PNKD: variants seen among roughly 807,000 people sequenced by gnomAD.
The protein encoded by PNKD is probable thioesterase PNKD.
In PNKD, 36 loss-of-function variants were observed where a neutral mutation model predicts 45.3. The observed-to-expected ratio is 0.80, with a 90% CI of 0.61 to 1.05. The LOEUF (loss-of-function observed/expected upper bound fraction) is 1.05, where lower values mean the gene tolerates loss of function less well. PNKD is among the 50% of genes least tolerant of loss of function. PNKD has a pLI of 0.00. For missense variants in PNKD, 511 were observed against 506.6 expected (o/e 1.01, Z -0.08); for synonymous variants, 197 against 210.1 (o/e 0.94, Z 0.54).
At chr2:218,321,934 CTTTTTTTTT>C (rs35226712) in intron 2 of PNKD, among the ~76,000 whole-genome samples, 1 of 120,510 alleles carries the variant, frequency 8.3e-6, no homozygotes, top group Admixed American at 8.8e-5. Flanking sequence ...GAGCTTGACT[CTTTTTTTTT>C]TTTTTTTTTG....
chr2:218,278,033 C>G (rs1243002729), intron 2 of PNKD: 3 of 1,595,716 alleles, frequency 1.9e-6, no homozygotes, highest in Non-Finnish European at 2.6e-6. Context: ...GTCAGAGGCT[C>G]CTACAGCAGA....
chr2:218,323,405 C>G (rs1233927530), intron 2 of PNKD: 1 of 1,574,038 alleles, frequency 6.4e-7, no homozygotes, highest in Non-Finnish European at 8.6e-7. Context: ...TCATGGCGCA[C>G]AGCCAGCGGC....
At chr2:218,337,176 G>A (rs180713811) in intron 2 of PNKD, among the ~76,000 whole-genome samples, 3 of 150,458 alleles carry the variant, frequency 2.0e-5, no homozygotes, top group Non-Finnish European at 3.0e-5. Flanking sequence ...GTGAGATCTC[G>A]GCTTACTACA....
chr2:218,341,844 C>G lies in PNKD; in HGVS notation c.618-137C>G. On this transcript the variant is annotated intron_variant, in intron 6 of 9. Transcript: ENST00000273077. ...AGGGGGAGGGTTCGGACCTGAGACC[C>G]GAGGCACTGGGGTGACTTCTTTTGT... 3.6e-5 allele frequency: 29 copies of G among 813,542 alleles called. No individual in the cohort carries two copies. In the South Asian group the frequency reaches 3.9e-4, roughly 11 times the overall value. 50.4% of individuals were successfully genotyped at this position (813,542 alleles called of 1,614,324 possible). A position where few individuals can be genotyped will look rare whatever the true frequency, so the allele number is the denominator to read the frequency against.
intron 2 of PNKD, among the ~76,000 whole-genome samples, chr2:218,315,801 T>A (rs2106266616): frequency 6.6e-6 from 1 of 152,374 alleles, no homozygotes; most frequent in Non-Finnish European, 1.5e-5. Context: ...TCATCCATCA[T>A]GTCTTTCCAG....
chr2:218,332,007 C>T (rs756523152), intron 2 of PNKD, among the ~76,000 whole-genome samples: 44 of 152,048 alleles, frequency 2.9e-4, no homozygotes, highest in Non-Finnish European at 5.9e-4. Context: ...TATCACTGGG[C>T]GGTACAGGAG....
chr2:218,282,987 C>T (rs879608990), intron 2 of PNKD, among the ~76,000 whole-genome samples: 1 of 152,188 alleles, frequency 6.6e-6, no homozygotes, highest in Non-Finnish European at 1.5e-5. Context: ...CACGGCCCCT[C>T]GCCCTCCCCC....
chr2:218,283,025 A>G (rs566302429), intron 2 of PNKD, among the ~76,000 whole-genome samples: 1 of 152,234 alleles, frequency 6.6e-6, no homozygotes, highest in African/African-American at 2.4e-5. Flanking sequence ...GGGGAGACAG[A>G]TGTTCTGAAT....
At position 218,332,141 on chromosome 2, in the gene PNKD, C is replaced by T. The variant is rs1009946737; in HGVS notation, c.237-7642C>T. ...AGCAGGAGCAAGTCTCAGCAAAATG[C>T]GGCGCTTTAGGAACTTCTTTTTGCC... is the stretch of plus-strand genomic sequence containing the variant. On this transcript the variant is annotated intron_variant, in intron 2 of 9. Coordinates refer to ENST00000273077, the MANE Select transcript of PNKD (RefSeq NM_015488.5). Among the ~76,000 whole-genome samples, 8 of 152,146 alleles carry T rather than the reference C, an allele frequency of 5.3e-5. No homozygotes were observed. In the East Asian group the frequency reaches 5.8e-4, roughly 11 times the overall value.
At chr2:218,339,410 G>A (rs1404435154) in intron 2 of PNKD, among the ~76,000 whole-genome samples, 1 of 152,080 alleles carries the variant, frequency 6.6e-6, no homozygotes, top group East Asian at 1.9e-4. Context: ...ATTTTTAGTA[G>A]AGACAGGGTT....
At chr2:218,341,783 C>A in intron 6 of PNKD, 157 bp downstream of exon 6, 2 of 767,732 alleles carry the variant, frequency 2.6e-6, no homozygotes, top group Non-Finnish European at 4.6e-6. Context: ...ACTGCCCATC[C>A]CCCAACTGAT....
Position 218,277,455 on chromosome 2 carries a change from T to C in PNKD, c.236+5906T>C, listed in dbSNP as rs1204120477. 3.1e-6 allele frequency: 5 copies of C among 1,614,068 alleles called. No individual in the cohort carries two copies. The South Asian group carries it at 3.3e-5, about 11-fold the overall frequency. ...ATGACGGCTTTGGTTTGGTACATAC[T>C]GGGGAGAAGCAGGAGTTACAGACAA... is the stretch of plus-strand genomic sequence containing the variant. On this transcript the variant is annotated intron_variant, in intron 2 of 9. Coordinates refer to ENST00000273077, the MANE Select transcript of PNKD (RefSeq NM_015488.5).
intron 2 of PNKD, chr2:218,279,301 A>G: frequency 6.3e-7 from 1 of 1,586,870 alleles, no homozygotes; most frequent in Non-Finnish European, 8.6e-7. Flanking sequence ...AAAGGTGAAG[A>G]TAGCAATGAT....
At chr2:218,323,610 T>G (rs1694059742) in intron 2 of PNKD, among the ~76,000 whole-genome samples, 1 of 121,368 alleles carries the variant, frequency 8.2e-6, no homozygotes, top group Admixed American at 8.0e-5. Flanking sequence ...CCTGAGGGAT[T>G]TGGGGGGCTG....
chr2:218,316,460 A>G (rs907059510), intron 2 of PNKD, among the ~76,000 whole-genome samples: 1 of 151,944 alleles, frequency 6.6e-6, no homozygotes, highest in Non-Finnish European at 1.5e-5. Flanking sequence ...TAGTAGAGAC[A>G]GGGTTTCACC....
chr2:218,333,096 A>C (rs1694377868), intron 2 of PNKD, among the ~76,000 whole-genome samples: 1 of 151,152 alleles, frequency 6.6e-6, no homozygotes, highest in African/African-American at 2.4e-5. Context: ...CCTTCCGGCC[A>C]CTCTTTTCCA....
intron 2 of PNKD, among the ~76,000 whole-genome samples, chr2:218,315,060 TCC>T (rs1491242594): frequency 4.3e-5 from 5 of 116,302 alleles, no homozygotes; most frequent in South Asian, 3.3e-4. Context: ...CTTTCTTTCT[TCC>T]TTCCTTCCTT....
In PNKD at chr2:218,340,729, C is replaced by T. The variant is rs1192013470; in HGVS notation, c.467C>T (p.Ala156Val). ...VDPSDPRAVQ[A>V]SIEKEGVTLV... The stretch of plus-strand genomic sequence containing the variant: ...CTCCAAACCTCCTCTCTCTCGCAGG[C>T]TTCCATTGAAAAGGAAGGGGTCACC... Residue 156 changes from alanine to valine, a missense_variant and splice_region_variant, in exon 5 of 10, where the codon GCT becomes GTT. Coordinates refer to ENST00000273077, the MANE Select transcript of PNKD (RefSeq NM_015488.5). This position sits in a 1 kb window ranked among gnomAD's most constrained non-coding sequence, Gnocchi z 4.2. 2 of 1,613,452 alleles carry T rather than the reference C, an allele frequency of 1.2e-6. No individual in the cohort carries two copies. The highest frequency in any genetic ancestry group is 1.7e-6 in the Non-Finnish European group (2 of 1,179,402).
intron 2 of PNKD, chr2:218,277,894 C>G: frequency 6.2e-7 from 1 of 1,613,644 alleles, no homozygotes; most frequent in Non-Finnish European, 8.5e-7. Context: ...CAGTCTCCCT[C>G]ACAGCATCTC....
Sources: gnomAD v4.1 joint callset for allele counts (sites outside exome capture counted in the v4.1 genomes callset) on GRCh38, gnomAD v4.1.1 for gene constraint, Gnocchi (gnomAD v3.1) non-coding constraint, MANE v1.5 for transcripts, NCBI Gene and HGNC (gene_info 2026-07-23, HGNC 2026-07-21) for gene names.